THSD7B: variants seen among roughly 807,000 people sequenced by gnomAD.
THSD7B encodes thrombospondin type-1 domain-containing protein 7B.
Under a neutral mutation model 213.6 loss-of-function variants are expected in THSD7B, and 138 were observed. The observed-to-expected ratio is 0.65, with a 90% CI of 0.56 to 0.74. THSD7B has a LOEUF of 0.74. Among genes scored for constraint, THSD7B ranks in the 30% least tolerant of loss-of-function variants. THSD7B has a pLI of 0.00. For missense variants in THSD7B, 1,931 were observed against 1,991.5 expected, an observed-to-expected ratio of 0.97 and a Z score of 0.58; for synonymous variants, 742 against 687.0, an observed-to-expected ratio of 1.08 and a Z score of -1.25.
chr2:137,135,199 G>A (rs1679414706), intron 5 of THSD7B, among the ~76,000 whole-genome samples: 1 of 152,094 alleles, frequency 6.6e-6, no homozygotes, highest in Non-Finnish European at 1.5e-5. Context: ...CAAGCTGAAG[G>A]ATCATCCAGT....
intron 16 of THSD7B, among the ~76,000 whole-genome samples, chr2:137,565,944 G>A (rs980409861): frequency 6.6e-6 from 1 of 152,110 alleles, no homozygotes; most frequent in African/African-American, 2.4e-5. Context: ...AACCCACTGA[G>A]GTAGCCCTAG....
At chr2:137,639,230 G>T (rs972775735) in intron 20 of THSD7B, among the ~76,000 whole-genome samples, 1 of 152,170 alleles carries the variant, frequency 6.6e-6, no homozygotes, top group Non-Finnish European at 1.5e-5. Context: ...TCCAGCTGTG[G>T]CTGAAAGGGG....
At chr2:136,809,167 A>G (rs1174361247) in intron 1 of THSD7B, among the ~76,000 whole-genome samples, 1 of 152,204 alleles carries the variant, frequency 6.6e-6, no homozygotes, top group East Asian at 1.9e-4. Flanking sequence ...TCATGATCAA[A>G]TCAAGGCAGG....
intron 7 of THSD7B, among the ~76,000 whole-genome samples, chr2:137,177,631 T>C (rs903363700): frequency 1.3e-5 from 2 of 152,220 alleles, no homozygotes; most frequent in African/African-American, 4.8e-5. Context: ...TCCCAGGTGA[T>C]GCTGGTGTTG....
chr2:137,402,882 C>T (rs926794218), intron 12 of THSD7B, among the ~76,000 whole-genome samples: 6 of 149,850 alleles, frequency 4.0e-5, no homozygotes, highest in Non-Finnish European at 8.9e-5. Context: ...TAAAATGTGT[C>T]TTCATGTTAT....
intron 1 of THSD7B, among the ~76,000 whole-genome samples, chr2:136,825,221 T>C (rs567483810): frequency 5.3e-5 from 8 of 152,378 alleles, no homozygotes; most frequent in Non-Finnish European, 1.0e-4. Context: ...AGTCTTTTAC[T>C]GCTGCTTTAA....
chr2:137,375,195 A>G (rs1685625280), intron 12 of THSD7B, among the ~76,000 whole-genome samples: 1 of 152,192 alleles, frequency 6.6e-6, no homozygotes, highest in Non-Finnish European at 1.5e-5. Flanking sequence ...AGAGGTAAAA[A>G]TAAGTCAAGT....
chr2:137,009,499 A>G (rs1180290878), intron 2 of THSD7B, among the ~76,000 whole-genome samples: 1 of 152,168 alleles, frequency 6.6e-6, no homozygotes, highest in Non-Finnish European at 1.5e-5. Flanking sequence ...ATAAAGACAT[A>G]CCCAAGACTG....
chr2:136,973,499 A>G (rs551244068), intron 2 of THSD7B, among the ~76,000 whole-genome samples: 1 of 152,208 alleles, frequency 6.6e-6, no homozygotes, highest in African/African-American at 2.4e-5. Context: ...AATATTTGTC[A>G]TTACAAGAGA....
At chr2:136,801,796 C>T (rs1052213853) in intron 1 of THSD7B, among the ~76,000 whole-genome samples, 3 of 152,036 alleles carry the variant, frequency 2.0e-5, no homozygotes, top group African/African-American at 7.2e-5. Context: ...ATGGCTAAAA[C>T]GAAGGCAGTA....
intron 2 of THSD7B, among the ~76,000 whole-genome samples, chr2:136,897,411 T>C (rs186040153): frequency 6.6e-6 from 1 of 151,686 alleles, no homozygotes; most frequent in East Asian, 1.9e-4. Context: ...ACAGTGAGTG[T>C]TACAGCTCTT....
At chr2:137,621,114 C>T (rs1247253090) in intron 20 of THSD7B, among the ~76,000 whole-genome samples, 1 of 152,156 alleles carries the variant, frequency 6.6e-6, no homozygotes, top group East Asian at 1.9e-4. Context: ...TAGAGGCTTG[C>T]TTTTCACCCA....
chr2:137,272,645 C>T lies in THSD7B; in HGVS notation c.2379C>T (p.Ser793=). Residue 793 remains serine (S), a synonymous_variant, in exon 11 of 28, where the codon TCC becomes TCT. Transcript: ENST00000409968. ...LYEERECEDV[S]LCPVYRWKPQ... ...AGGAGAGAGAGTGTGAAGATGTTTC[C>T]TTGTGTCCTGTATATCGGCAAGTAG... The T allele has an allele frequency of 6.2e-7, 1 of 1,611,734 alleles. No homozygotes were observed. Among genetic ancestry groups the T allele is most frequent in the Non-Finnish European group, 8.5e-7 (1 of 1,178,786 alleles).
chr2:137,155,779 A>T (rs2104979489), intron 5 of THSD7B, among the ~76,000 whole-genome samples: 1 of 152,286 alleles, frequency 6.6e-6, no homozygotes, highest in Admixed American at 6.5e-5. Flanking sequence ...TTAAAGGTAT[A>T]AAGGGTTTAA....
intron 1 of THSD7B, among the ~76,000 whole-genome samples, chr2:136,817,757 A>G (rs1682499346): frequency 2.0e-5 from 3 of 151,562 alleles, no homozygotes; most frequent in Admixed American, 1.3e-4. Context: ...GACACTTCTC[A>G]AAAGAAGACA....
At chr2:136,968,729 A>G (rs1685359496) in intron 2 of THSD7B, among the ~76,000 whole-genome samples, 1 of 152,124 alleles carries the variant, frequency 6.6e-6, no homozygotes, top group Admixed American at 6.6e-5. Flanking sequence ...AAAGATTTTA[A>G]TATTTAAGTC....
intron 4 of THSD7B, among the ~76,000 whole-genome samples, chr2:137,102,503 C>T (rs956955509): frequency 5.9e-5 from 9 of 152,120 alleles, no homozygotes; most frequent in African/African-American, 9.7e-5. Flanking sequence ...CACAACTCCT[C>T]GCCAGCAGGG....
intron 14 of THSD7B, among the ~76,000 whole-genome samples, chr2:137,440,038 C>A (rs1268748091): frequency 1.3e-5 from 2 of 152,022 alleles, no homozygotes; most frequent in Non-Finnish European, 2.9e-5. Context: ...TCTAGATATT[C>A]ATGTTCTAGT....
chr2:137,033,948 T>G (rs1232080649), intron 2 of THSD7B, among the ~76,000 whole-genome samples: 1 of 83,024 alleles, frequency 1.2e-5, no homozygotes, highest in East Asian at 3.4e-4. Context: ...CCAATCCCCC[T>G]ACCCCACAAC....
Sources: gnomAD v4.1 joint callset for allele counts (sites outside exome capture counted in the v4.1 genomes callset) on GRCh38, gnomAD v4.1.1 for gene constraint, MANE v1.5 for transcripts, NCBI Gene and HGNC (gene_info 2026-07-23, HGNC 2026-07-21) for gene names.